PKHD1: variants seen among roughly 807,000 people sequenced by gnomAD.
The protein encoded by PKHD1 is fibrocystin.
A neutral mutation model predicts 412.0 loss-of-function variants in PKHD1; 291 were observed. That is an observed-to-expected ratio of 0.71 (90% CI 0.64 to 0.78). PKHD1 has a LOEUF of 0.78. Ranked by LOEUF, PKHD1 falls within the 30% of genes least tolerant of loss-of-function variation. The probability of loss-of-function intolerance (pLI) is 0.00; values close to 1 mark genes in which losing one functional copy is unlikely to be tolerated. For synonymous variants in PKHD1, 1,777 were observed against 1,821.5 expected (o/e 0.98, Z 0.62); for missense variants, 4,825 against 4,950.7 (o/e 0.97, Z 0.76).
In PKHD1 at chr6:51,805,096, C is replaced by A. The variant is rs531941124; in HGVS notation, c.8303-13723G>T. 3.3e-5 allele frequency among the ~76,000 whole-genome samples: 5 copies of A among 152,292 alleles called. No homozygotes were observed. In the South Asian group the frequency reaches 1.0e-3, roughly 32 times the overall value. ...ATGCACTTGTAGGTTTATCACAGCA[C>A]TGCTCTCAGTAGCAAAGACATGGAA... On this transcript the variant is annotated intron_variant, in intron 52 of 66. Transcript: ENST00000371117.
chr6:51,634,883 C>G (rs1394228943), intron 64 of PKHD1, among the ~76,000 whole-genome samples: 2 of 152,160 alleles, frequency 1.3e-5, no homozygotes, highest in Non-Finnish European at 2.9e-5. Context: ...TGAGAACATT[C>G]TGAAGGCATG....
intron 60 of PKHD1, among the ~76,000 whole-genome samples, chr6:51,675,920 AC>A (rs1166922053): frequency 6.6e-6 from 1 of 152,210 alleles, no homozygotes; most frequent in African/African-American, 2.4e-5. Context: ...GCCTATGAGC[AC>A]TTGCTTTGTG....
chr6:51,988,089 A>C (rs755274324), intron 35 of PKHD1, among the ~76,000 whole-genome samples: 27 of 152,166 alleles, frequency 1.8e-4, no homozygotes, highest in African/African-American at 6.5e-4. Flanking sequence ...TTAAACTAAA[A>C]CAAGGAAAAG....
At chr6:52,036,356 AG>A (rs1037308099) in intron 27 of PKHD1, among the ~76,000 whole-genome samples, 1 of 152,268 alleles carries the variant, frequency 6.6e-6, no homozygotes, top group African/African-American at 2.4e-5. Flanking sequence ...GAGCAACCAC[AG>A]AAATCCCCAT....
chr6:51,753,847 G>A (rs1582473579), intron 56 of PKHD1, among the ~76,000 whole-genome samples: 2 of 152,310 alleles, frequency 1.3e-5, no homozygotes, highest in South Asian at 4.1e-4. Context: ...TCTCATGGTG[G>A]ATCTTCCACT....
intron 11 of PKHD1, 63 bp downstream of exon 11, chr6:52,069,394 G>A: frequency 8.5e-7 from 1 of 1,173,206 alleles, no homozygotes; most frequent in South Asian, 1.2e-5. Flanking sequence ...AAAAGATAGG[G>A]AAGGAGGGGC....
At chr6:51,833,169 T>G (rs9463728) in intron 51 of PKHD1, among the ~76,000 whole-genome samples, 67,324 of 151,888 alleles carry the variant, frequency 0.44, 16,012 homozygotes, top group Middle Eastern at 0.61. Flanking sequence ...AAGCAATGAT[T>G]GTTCTCTAAA....
Position 51,675,367 on chromosome 6 carries a change from T to A in PKHD1, c.10157-15398A>T, listed in dbSNP as rs559437903. Among the ~76,000 whole-genome samples, 4 of 152,300 alleles carry A rather than the reference T, an allele frequency of 2.6e-5. No individual in the cohort carries two copies. The East Asian group carries it at 7.7e-4, about 29-fold the overall frequency. Reference sequence around the variant, plus strand: ...GAGTAATGATTATCTTTCTCCCTTGTTTTTGTCTTTTCTTTTCTCCCACTT... The same window carrying A: ...GAGTAATGATTATCTTTCTCCCTTGATTTTGTCTTTTCTTTTCTCCCACTT... On this transcript the variant is annotated intron_variant, in intron 60 of 66. Transcript: ENST00000371117.
intron 60 of PKHD1, among the ~76,000 whole-genome samples, chr6:51,670,646 T>A (rs1474956236): frequency 6.6e-6 from 1 of 152,156 alleles, no homozygotes; most frequent in African/African-American, 2.4e-5. Context: ...CTAGTCTCGA[T>A]GGTCTTTACA....
intron 27 of PKHD1, among the ~76,000 whole-genome samples, chr6:52,039,609 T>C (rs1804513905): frequency 6.6e-6 from 1 of 152,184 alleles, no homozygotes. Context: ...TTTATAGCAG[T>C]GTAAGAATGG....
intron 35 of PKHD1, among the ~76,000 whole-genome samples, chr6:51,965,982 G>A (rs1262630492): frequency 6.6e-6 from 1 of 151,946 alleles, no homozygotes; most frequent in Non-Finnish European, 1.5e-5. Context: ...TTCACTTGTG[G>A]GAGAAAAAAT....
chr6:51,899,672 T>C (rs1353926664), intron 43 of PKHD1, among the ~76,000 whole-genome samples: 3 of 151,884 alleles, frequency 2.0e-5, no homozygotes, highest in South Asian at 4.2e-4. Context: ...GCCAGGGCAA[T>C]TAGGCAGGAG....
chr6:51,973,943 T>A (rs2127998777), intron 35 of PKHD1, among the ~76,000 whole-genome samples: 1 of 152,326 alleles, frequency 6.6e-6, no homozygotes, highest in East Asian at 1.9e-4. Flanking sequence ...CAGTGACTGA[T>A]ACAAGATTAC....
intron 61 of PKHD1, among the ~76,000 whole-genome samples, chr6:51,651,655 C>A (rs1287246739): frequency 6.6e-6 from 1 of 152,128 alleles, no homozygotes; most frequent in Non-Finnish European, 1.5e-5. Flanking sequence ...AATACCTCAG[C>A]ACCACAGACA....
chr6:51,808,724 A>C, intron 52 of PKHD1, among the ~76,000 whole-genome samples: 1 of 151,986 alleles, frequency 6.6e-6, no homozygotes, highest in East Asian at 1.9e-4. Context: ...TTCTCATTTT[A>C]TCTTCATATT....
At chr6:51,753,956 A>T (rs1786540617) in intron 56 of PKHD1, among the ~76,000 whole-genome samples, 1 of 152,162 alleles carries the variant, frequency 6.6e-6, no homozygotes, top group Non-Finnish European at 1.5e-5. Context: ...TTTTACTGAA[A>T]TCATTGCTGA....
intron 52 of PKHD1, among the ~76,000 whole-genome samples, chr6:51,822,633 A>G (rs1447824987): frequency 2.6e-5 from 4 of 152,160 alleles, no homozygotes; most frequent in African/African-American, 9.7e-5. Context: ...CAGATTCTCA[A>G]TTGGCCTTCC....
chr6:51,919,001 T>C (rs372245003), intron 37 of PKHD1, among the ~76,000 whole-genome samples: 1 of 152,262 alleles, frequency 6.6e-6, no homozygotes, highest in African/African-American at 2.4e-5. Context: ...TAAATTTGTC[T>C]AAGTTCCTTG....
intron 43 of PKHD1, among the ~76,000 whole-genome samples, chr6:51,900,979 C>T (rs1274558214): frequency 2.0e-5 from 3 of 152,028 alleles, no homozygotes; most frequent in African/African-American, 7.2e-5. Flanking sequence ...TACCATCTCA[C>T]ACCAGTTAGA....
Sources: gnomAD v4.1 joint callset for allele counts (sites outside exome capture counted in the v4.1 genomes callset) on GRCh38, gnomAD v4.1.1 for gene constraint, MANE v1.5 for transcripts, NCBI Gene and HGNC (gene_info 2026-07-23, HGNC 2026-07-21) for gene names.